Variants in FAM114A1 observed in about 807,000 individuals in gnomAD.
FAM114A1 encodes family with sequence similarity 114 member A1.
A neutral mutation model predicts 64.3 loss-of-function variants in FAM114A1; 62 were observed. The ratio of observed to expected loss-of-function variants is 0.96; its 90% CI spans 0.79 to 1.19. The LOEUF (loss-of-function observed/expected upper bound fraction) is 1.19, where lower values mean the gene tolerates loss of function less well. Among genes scored for constraint, FAM114A1 ranks in the 50% most tolerant of loss-of-function variants. FAM114A1 has a pLI of 0.00. For missense variants in FAM114A1, 645 were observed against 676.3 expected (o/e 0.95, Z 0.51); for synonymous variants, 254 against 251.1 (o/e 1.01, Z -0.11).
intron 6 of FAM114A1, among the ~76,000 whole-genome samples, chr4:38,907,706 A>G (rs6848615): frequency 0.019 from 2,903 of 152,322 alleles, 110 homozygotes; most frequent in African/African-American, 0.065. Context: ...AATGATAATT[A>G]TGAAGATTGG....
At position 38,924,863 on chromosome 4, in the gene FAM114A1, A is replaced by G. The variant is rs1054297471; in HGVS notation, c.1069+1970A>G. On this transcript the variant is annotated intron_variant, in intron 9 of 14. Coordinates refer to ENST00000358869, the MANE Select transcript of FAM114A1 (RefSeq NM_138389.4). Reference sequence around the variant, plus strand: ...ATCAAGCTATTTCTCTTCAAGAGTCATGGTGTCTGAGGTAGACCTTGGTCC... The same window carrying G: ...ATCAAGCTATTTCTCTTCAAGAGTCGTGGTGTCTGAGGTAGACCTTGGTCC... 2.0e-5 allele frequency among the ~76,000 whole-genome samples: 3 copies of G among 152,210 alleles called. No homozygotes were observed. The East Asian group carries it at 5.8e-4, about 29-fold the overall frequency.
chr4:38,912,727 T>C (rs1386454171), intron 7 of FAM114A1, among the ~76,000 whole-genome samples: 1 of 152,188 alleles, frequency 6.6e-6, no homozygotes, highest in African/African-American at 2.4e-5. Flanking sequence ...GAGTGACCCT[T>C]TCCCTTTCTC....
At chr4:38,868,367 C>G (rs1713671703) in intron 1 of FAM114A1, 31 bp from the exon 2 acceptor site, 1 of 152,956 alleles carries the variant, frequency 6.5e-6, no homozygotes, top group African/African-American at 2.4e-5. Context: ...TTGACCTCCC[C>G]GCTCCCCTCG....
intron 2 of FAM114A1, among the ~76,000 whole-genome samples, chr4:38,876,514 A>G (rs1714658968): frequency 6.6e-6 from 1 of 152,162 alleles, no homozygotes; most frequent in Non-Finnish European, 1.5e-5. Flanking sequence ...TAATTAATAA[A>G]GCCAGAGTCA....
intron 2 of FAM114A1, among the ~76,000 whole-genome samples, chr4:38,871,681 C>A (rs1335267501): frequency 6.6e-6 from 1 of 152,066 alleles, no homozygotes; most frequent in Non-Finnish European, 1.5e-5. Context: ...GTAATTTGGC[C>A]ATCAGAGATA....
chr4:38,906,483 G>C (rs951589582), intron 6 of FAM114A1, among the ~76,000 whole-genome samples: 2 of 152,144 alleles, frequency 1.3e-5, no homozygotes, highest in African/African-American at 4.8e-5. Context: ...CCTCAACTGA[G>C]ATAAGGCAGG....
chr4:38,903,536 G>A (rs1717703953), intron 4 of FAM114A1, among the ~76,000 whole-genome samples: 1 of 152,104 alleles, frequency 6.6e-6, no homozygotes, highest in African/African-American at 2.4e-5. Context: ...GAGATTTGGA[G>A]GCACATTATT....
chr4:38,926,393 A>G (rs898676787), intron 9 of FAM114A1, among the ~76,000 whole-genome samples: 10 of 151,844 alleles, frequency 6.6e-5, no homozygotes, highest in African/African-American at 1.9e-4. Context: ...TCTGCCCAGC[A>G]GAGAGAATCT....
rs116636226 is a variant in FAM114A1, at chr4:38,879,561, C to T, written c.348+1135C>T. ...GGGCTACCCTCCCACCCACTTTTCT[C>T]AAGGGGTTTGACCCTCAGAACTGTC... is the stretch of plus-strand genomic sequence containing the variant. On this transcript the variant is annotated intron_variant, in intron 3 of 14. Coordinates refer to ENST00000358869, the MANE Select transcript of FAM114A1 (RefSeq NM_138389.4). Among the ~76,000 whole-genome samples, 958 of 152,296 alleles carry T rather than the reference C, an allele frequency of 6.3e-3. 9 individuals are homozygous for T. Among genetic ancestry groups the T allele is most frequent in the African/African-American group, 0.022 (903 of 41,568 alleles).
Position 38,874,329 on chromosome 4 carries a change from G to A in FAM114A1, c.-8-3742G>A, listed in dbSNP as rs114225202. Among the ~76,000 whole-genome samples the A allele has an allele frequency of 9.1e-3, 1,389 of 152,274 alleles. 27 individuals carry two copies. The highest frequency in any genetic ancestry group is 0.031 in the African/African-American group (1,290 of 41,546). On this transcript the variant is annotated intron_variant, in intron 2 of 14. Transcript: ENST00000358869. ...TATATATTCTTGAGAGGGTGAAAGC[G>A]TGGTAAATGACAGCTCTGAGTTATT...
At chr4:38,897,392 G>A (rs181223906) in intron 4 of FAM114A1, among the ~76,000 whole-genome samples, 9 of 152,158 alleles carry the variant, frequency 5.9e-5, no homozygotes, top group Non-Finnish European at 1.3e-4. Flanking sequence ...TTGAAATTAT[G>A]TCTACTCTAT....
At chr4:38,912,674 G>A (rs144388148) in intron 7 of FAM114A1, among the ~76,000 whole-genome samples, 2,241 of 152,202 alleles carry the variant, frequency 0.015, 19 homozygotes, top group Non-Finnish European at 0.023. Context: ...GAGCCACCGC[G>A]CCTGGCCTAC....
At chr4:38,868,098 C>A in intron 1 of FAM114A1, 1 of 362,006 alleles carries the variant, frequency 2.8e-6, no homozygotes, top group Non-Finnish European at 5.9e-6. Flanking sequence ...GGTCCACGCT[C>A]ATGCACACAC....
At chr4:38,868,074 T>A (rs1375708593) in intron 1 of FAM114A1, 5 of 412,552 alleles carry the variant, frequency 1.2e-5, no homozygotes, top group Admixed American at 2.5e-5. Context: ...TGTGTGTGAG[T>A]GTGTGTCGCT....
At chr4:38,937,267 G>A (rs147988575) in intron 13 of FAM114A1, among the ~76,000 whole-genome samples, 1 of 152,272 alleles carries the variant, frequency 6.6e-6, no homozygotes, top group African/African-American at 2.4e-5. Context: ...TGAAAGCATG[G>A]TGGTATCAGG....
chr4:38,881,425 C>T (rs1033370394), intron 3 of FAM114A1, among the ~76,000 whole-genome samples: 1 of 152,080 alleles, frequency 6.6e-6, no homozygotes, highest in Non-Finnish European at 1.5e-5. Flanking sequence ...CACGGAATTA[C>T]CTGGATGGAA....
At chr4:38,893,880 T>C (rs967395753) in intron 4 of FAM114A1, among the ~76,000 whole-genome samples, 6 of 152,110 alleles carry the variant, frequency 3.9e-5, no homozygotes, top group Non-Finnish European at 5.9e-5. Flanking sequence ...AAGTGGGATG[T>C]GGCCAGGCAT....
intron 6 of FAM114A1, among the ~76,000 whole-genome samples, chr4:38,906,093 A>G (rs1717980614): frequency 6.6e-6 from 1 of 152,222 alleles, no homozygotes; most frequent in Admixed American, 6.5e-5. Flanking sequence ...GCTGTTTGGA[A>G]GGAACATTTT....
chr4:38,888,538 A>G (rs1360443471), intron 3 of FAM114A1, among the ~76,000 whole-genome samples: 1 of 152,192 alleles, frequency 6.6e-6, no homozygotes, highest in African/African-American at 2.4e-5. Flanking sequence ...AGAAAAAAGA[A>G]CTGTGAACTT....
Sources: gnomAD v4.1 joint callset for allele counts (sites outside exome capture counted in the v4.1 genomes callset) on GRCh38, gnomAD v4.1.1 for gene constraint, MANE v1.5 for transcripts, NCBI Gene and HGNC (gene_info 2026-07-23, HGNC 2026-07-21) for gene names.